Variants in ACVR1C observed in about 807,000 individuals in gnomAD.
The protein encoded by ACVR1C is activin A receptor type 1C.
A neutral mutation model predicts 57.9 loss-of-function variants in ACVR1C; 23 were observed. That is an observed-to-expected ratio of 0.40 (90% confidence interval 0.29 to 0.56). The LOEUF (loss-of-function observed/expected upper bound fraction) is 0.56, where lower values mean the gene tolerates loss of function less well. Ranked by LOEUF, ACVR1C falls within the 20% of genes least tolerant of loss-of-function variation. The pLI, the probability that ACVR1C is intolerant of heterozygous loss-of-function variation, is 0.50. For synonymous variants in ACVR1C, 214 were observed against 215.3 expected (o/e 0.99, Z 0.05); for missense variants, 480 against 607.9 (o/e 0.79, Z 2.21).
intron 2 of ACVR1C, among the ~76,000 whole-genome samples, chr2:157,586,675 T>C (rs552748124): frequency 1.6e-4 from 24 of 152,270 alleles, no homozygotes; most frequent in Non-Finnish European, 2.4e-4. Flanking sequence ...TCGAATTCCA[T>C]TCTGCCTCTA....
At chr2:157,592,409 A>G (rs908887312) in intron 1 of ACVR1C, among the ~76,000 whole-genome samples, 5 of 152,106 alleles carry the variant, frequency 3.3e-5, no homozygotes, top group Admixed American at 6.6e-5. Context: ...TAATATAGAC[A>G]TAGGTGATAT....
intron 5 of ACVR1C, 119 bp downstream of exon 5, chr2:157,544,326 T>G: frequency 1.9e-6 from 2 of 1,026,442 alleles, no homozygotes; most frequent in South Asian, 4.7e-5. Flanking sequence ...ATTATGGGTA[T>G]AAGCCACCGT....
At chr2:157,572,037 T>C (rs1688520389) in intron 2 of ACVR1C, among the ~76,000 whole-genome samples, 1 of 23,054 alleles carries the variant, frequency 4.3e-5, no homozygotes, top group Non-Finnish European at 8.6e-5. Context: ...TATGCAGCCA[T>C]AAAAAATGAT....
rs1041697248 is a variant in ACVR1C, at chr2:157,531,795, G to A, written c.*2123C>T. ...ATCCAAATAAAGCTACTTTCTAAAT[G>A]TGTTGCAAATGAAAGCAATTTTCAG... On this transcript the variant is annotated 3_prime_UTR_variant, in exon 9 of 9. Transcript: ENST00000243349. The A allele has an allele frequency of 1.3e-5, 2 of 152,002 alleles. No homozygotes were observed. The highest frequency in any genetic ancestry group is 1.3e-4 in the Admixed American group (2 of 15,244). The allele number at this position is 152,002 out of a possible 1,614,324, so 9.4% of individuals were successfully genotyped here.
intron 2 of ACVR1C, among the ~76,000 whole-genome samples, chr2:157,560,741 G>A (rs996219446): frequency 5.3e-5 from 8 of 152,192 alleles, no homozygotes; most frequent in Non-Finnish European, 1.2e-4. Flanking sequence ...TGCACCTTCA[G>A]TTTAAGCTGA....
intron 7 of ACVR1C, among the ~76,000 whole-genome samples, chr2:157,540,834 T>G (rs1687609377): frequency 6.6e-6 from 1 of 152,198 alleles, no homozygotes; most frequent in Admixed American, 6.5e-5. Flanking sequence ...AATTTTCAAG[T>G]ACTTCATAAA....
At chr2:157,538,552 T>C (rs1405249796) in intron 8 of ACVR1C, 21 bp downstream of exon 8, 4 of 1,534,754 alleles carry the variant, frequency 2.6e-6, no homozygotes, top group East Asian at 2.4e-5. Context: ...AAGAAAAATA[T>C]AGATAAAAAC....
intron 6 of ACVR1C, among the ~76,000 whole-genome samples, chr2:157,541,445 T>C (rs1687623615): frequency 6.6e-6 from 1 of 152,192 alleles, no homozygotes; most frequent in Non-Finnish European, 1.5e-5. Flanking sequence ...CAAAAAAATA[T>C]AGCCATGTTT....
At chr2:157,599,842 A>G (rs1264011172) in intron 1 of ACVR1C, among the ~76,000 whole-genome samples, 1 of 152,202 alleles carries the variant, frequency 6.6e-6, no homozygotes, top group Non-Finnish European at 1.5e-5. Context: ...GAACCTGTGT[A>G]AAGAAAAAAC....
At chr2:157,574,063 C>T (rs1289274329) in intron 2 of ACVR1C, among the ~76,000 whole-genome samples, 1 of 152,196 alleles carries the variant, frequency 6.6e-6, no homozygotes, top group African/African-American at 2.4e-5. Flanking sequence ...CTTCGGCCAA[C>T]TGATAGCATG....
chr2:157,608,293 A>G (rs1263797437), intron 1 of ACVR1C, among the ~76,000 whole-genome samples: 1 of 151,900 alleles, frequency 6.6e-6, no homozygotes, highest in Non-Finnish European at 1.5e-5. Context: ...ACATTTATCA[A>G]TTTGTATATG....
At chr2:157,565,103 A>G (rs899379248) in intron 2 of ACVR1C, among the ~76,000 whole-genome samples, 2 of 152,306 alleles carry the variant, frequency 1.3e-5, no homozygotes, top group East Asian at 1.9e-4. Flanking sequence ...CTGTACATGT[A>G]TCCCAGAATT....
chr2:157,556,008 T>C (rs1335826880), intron 3 of ACVR1C, 85 bp downstream of exon 3: 3 of 1,421,836 alleles, frequency 2.1e-6, no homozygotes, highest in Admixed American at 2.4e-5. Flanking sequence ...TTCATAATAT[T>C]TGGGCCCTTT....
At chr2:157,598,469 C>T (rs1054229396) in intron 1 of ACVR1C, among the ~76,000 whole-genome samples, 1 of 151,192 alleles carries the variant, frequency 6.6e-6, no homozygotes, top group African/African-American at 2.4e-5. Context: ...AAAATCAAGG[C>T]TATCTTTTAA....
At chr2:157,599,061 G>A (rs1682209143) in intron 1 of ACVR1C, among the ~76,000 whole-genome samples, 1 of 151,818 alleles carries the variant, frequency 6.6e-6, no homozygotes, top group African/African-American at 2.4e-5. Context: ...TAGGCCGGTC[G>A]CGGTGGCTCA....
chr2:157,534,934 T>C (rs1192251592), intron 8 of ACVR1C, among the ~76,000 whole-genome samples: 1 of 151,948 alleles, frequency 6.6e-6, no homozygotes, highest in Non-Finnish European at 1.5e-5. Flanking sequence ...GGTGAGAGGA[T>C]TGCTTAAGCC....
At chr2:157,619,445 A>C (rs1682718832) in intron 1 of ACVR1C, among the ~76,000 whole-genome samples, 1 of 151,992 alleles carries the variant, frequency 6.6e-6, no homozygotes, top group Non-Finnish European at 1.5e-5. Flanking sequence ...ATATTAGAAG[A>C]GAAGAAAGGT....
intron 3 of ACVR1C, among the ~76,000 whole-genome samples, chr2:157,555,333 A>C (rs1019806166): frequency 2.6e-5 from 4 of 151,328 alleles, no homozygotes; most frequent in African/African-American, 7.3e-5. Flanking sequence ...GTTAGCCAGG[A>C]TGGTCTCGAT....
At chr2:157,580,739 G>A (rs1688771199) in intron 2 of ACVR1C, among the ~76,000 whole-genome samples, 1 of 152,130 alleles carries the variant, frequency 6.6e-6, no homozygotes, top group African/African-American at 2.4e-5. Flanking sequence ...CCAGCTCTTG[G>A]TGGTGAAGTG....
Sources: gnomAD v4.1 joint callset for allele counts (sites outside exome capture counted in the v4.1 genomes callset) on GRCh38, gnomAD v4.1.1 for gene constraint, MANE v1.5 for transcripts, NCBI Gene and HGNC (gene_info 2026-07-23, HGNC 2026-07-21) for gene names.